Variants in KALRN observed in about 807,000 individuals in gnomAD.
KALRN encodes kalirin RhoGEF kinase.
A neutral mutation model predicts 353.7 loss-of-function variants in KALRN; 70 were observed. That is an observed-to-expected ratio of 0.20 (90% confidence interval 0.16 to 0.24). The LOEUF (loss-of-function observed/expected upper bound fraction) is 0.24, where lower values mean the gene tolerates loss of function less well. Ranked by LOEUF, KALRN falls within the 10% of genes least tolerant of loss-of-function variation. KALRN has a pLI of 1.00. For missense variants in KALRN, 2,791 were observed against 3,756.7 expected, an observed-to-expected ratio of 0.74 and a Z score of 6.72; for synonymous variants, 1,391 against 1,434.8, an observed-to-expected ratio of 0.97 and a Z score of 0.69.
intron 10 of KALRN, among the ~76,000 whole-genome samples, chr3:124,356,543 A>G (rs943036140): frequency 8.5e-5 from 13 of 152,062 alleles, no homozygotes; most frequent in African/African-American, 2.9e-4. Context: ...CATGTTAGCC[A>G]GGCTGGTCTT....
At chr3:124,294,455 G>A (rs913572882) in intron 5 of KALRN, among the ~76,000 whole-genome samples, 1 of 150,446 alleles carries the variant, frequency 6.6e-6, no homozygotes, top group African/African-American at 2.4e-5. Context: ...GATGAAGGGT[G>A]AGTGGACATT....
At chr3:124,312,297 A>ACC (rs2078350976) in intron 6 of KALRN, among the ~76,000 whole-genome samples, 1 of 152,028 alleles carries the variant, frequency 6.6e-6, no homozygotes, top group African/African-American at 2.4e-5. Flanking sequence ...AGTAGTTGGG[A>ACC]TTACAGGCAC....
At chr3:124,488,051 A>T (rs886310965) in intron 28 of KALRN, among the ~76,000 whole-genome samples, 153 bp from the exon 29 acceptor site, 2 of 152,106 alleles carry the variant, frequency 1.3e-5, no homozygotes, top group African/African-American at 4.8e-5. Context: ...GAATTCTTAG[A>T]GATAACCCCT....
intron 13 of KALRN, among the ~76,000 whole-genome samples, chr3:124,399,669 C>T (rs1332038855): frequency 1.4e-4 from 21 of 152,160 alleles, no homozygotes; most frequent in Non-Finnish European, 3.1e-4. Context: ...AACCTGTATC[C>T]GCAGTTTGAT....
chr3:124,145,686 G>A (rs144287927), intron 1 of KALRN, among the ~76,000 whole-genome samples: 85 of 152,332 alleles, frequency 5.6e-4, no homozygotes, highest in African/African-American at 1.9e-3. Context: ...GTATCCCCAG[G>A]AAGTAAATTA....
chr3:124,399,295 C>T (rs560461461), intron 13 of KALRN, among the ~76,000 whole-genome samples: 4 of 152,184 alleles, frequency 2.6e-5, no homozygotes, highest in South Asian at 2.1e-4. Context: ...TGCGCCACCA[C>T]ACCTGGCTAA....
intron 51 of KALRN, among the ~76,000 whole-genome samples, chr3:124,690,433 G>C (rs1408617511): frequency 1.3e-5 from 2 of 152,178 alleles, no homozygotes; most frequent in Non-Finnish European, 2.9e-5. Context: ...AAAAACATTA[G>C]TGTGGACCTT....
At chr3:124,210,962 T>A (rs956274121) in intron 1 of KALRN, among the ~76,000 whole-genome samples, 2 of 152,252 alleles carry the variant, frequency 1.3e-5, no homozygotes, top group African/African-American at 4.8e-5. Flanking sequence ...GTAGTCTGAA[T>A]TTGCAAAGCA....
Position 124,674,372 on chromosome 3 carries a change from G to A in KALRN, c.6951G>A (p.Leu2317=), listed in dbSNP as rs1219757279. ...CCCTTATCTCCCAGCAGAACGACCTGGGAGGCTGCAATGGGACCTCGTCCA... is the reference window on the plus strand; with the variant it reads ...CCCTTATCTCCCAGCAGAACGACCTAGGAGGCTGCAATGGGACCTCGTCCA... ...GDKFEASKND[L]GGCNGTSSMA... Residue 2317 remains leucine, a synonymous_variant, in exon 49 of 60, where the codon CTG becomes CTA. Coordinates refer to ENST00000682506, the MANE Select transcript of KALRN (RefSeq NM_001388419.1). 1.2e-6 allele frequency: 2 copies of A among 1,613,160 alleles called. No homozygotes were observed. Among genetic ancestry groups the A allele is most frequent in the Admixed American group, 3.3e-5 (2 of 59,928 alleles).
intron 1 of KALRN, among the ~76,000 whole-genome samples, chr3:124,157,433 C>T (rs1012667715): frequency 2.0e-4 from 30 of 152,178 alleles, no homozygotes; most frequent in African/African-American, 7.2e-4. Flanking sequence ...CCAATCACTG[C>T]CAGGATTTAA....
intron 3 of KALRN, among the ~76,000 whole-genome samples, chr3:124,244,895 G>A (rs563675896): frequency 1.3e-5 from 2 of 151,926 alleles, no homozygotes; most frequent in South Asian, 4.2e-4. Context: ...TATTTATAGG[G>A]TGCATATGAT....
At chr3:124,099,769 A>C (rs1483098416) in intron 1 of KALRN, among the ~76,000 whole-genome samples, 1 of 152,136 alleles carries the variant, frequency 6.6e-6, no homozygotes, top group Non-Finnish European at 1.5e-5. Flanking sequence ...TTGTGGTAAG[A>C]TGATATCTCA....
intron 38 of KALRN, 39 bp downstream of exon 38, chr3:124,650,977 T>G (rs1366833563): frequency 1.9e-6 from 3 of 1,610,082 alleles, no homozygotes; most frequent in Admixed American, 3.4e-5. Context: ...GGTGCACATG[T>G]GAGTGCGGTG....
chr3:124,081,977 G>T (rs542902399), intron 1 of KALRN, among the ~76,000 whole-genome samples: 2 of 152,180 alleles, frequency 1.3e-5, no homozygotes, highest in Non-Finnish European at 2.9e-5. Flanking sequence ...TGATAAGCAG[G>T]TTAATTTCTA....
intron 33 of KALRN, among the ~76,000 whole-genome samples, chr3:124,551,889 A>G (rs1415312155): frequency 2.0e-5 from 3 of 152,202 alleles, no homozygotes; most frequent in Non-Finnish European, 2.9e-5. Flanking sequence ...AAGAAGAATA[A>G]GTGCATGGAT....
chr3:124,039,302 C>A (rs555710405), intron 1 of KALRN, among the ~76,000 whole-genome samples: 1 of 152,216 alleles, frequency 6.6e-6, no homozygotes, highest in Non-Finnish European at 1.5e-5. Flanking sequence ...CTCACGATGA[C>A]AGCCCTTTGA....
rs1490047817 is a variant in KALRN, at chr3:124,495,994, TATATATATATATATATATACAC to T, written c.4833-315_4833-294del. On this transcript the variant is annotated intron_variant, in intron 32 of 59. Transcript: ENST00000682506. The stretch of plus-strand genomic sequence containing the variant: ...ATATATATATATATATATATATATA[TATATATATATATATATATACAC>T]ACACATATATACATACATACACCCC... Among the ~76,000 whole-genome samples, 7 of 57,470 alleles carry T rather than the reference TATATATATATATATATATACAC, an allele frequency of 1.2e-4. 1 individual carries two copies. Among genetic ancestry groups the T allele is most frequent in the Admixed American group, 1.9e-4 (1 of 5,166 alleles). 37.7% of individuals were successfully genotyped at this position (57,470 alleles called of 152,430 possible).
intron 45 of KALRN, among the ~76,000 whole-genome samples, chr3:124,663,967 G>A (rs1400293169): frequency 6.6e-6 from 1 of 152,168 alleles, no homozygotes; most frequent in African/African-American, 2.4e-5. Flanking sequence ...TGCTGTGACA[G>A]GAACTATGTG....
At chr3:124,547,704 C>T (rs2069872371) in intron 33 of KALRN, among the ~76,000 whole-genome samples, 1 of 152,162 alleles carries the variant, frequency 6.6e-6, no homozygotes, top group Non-Finnish European at 1.5e-5. Context: ...CTGATGGTTA[C>T]AATGTGGCTC....
Sources: gnomAD v4.1 joint callset for allele counts (sites outside exome capture counted in the v4.1 genomes callset) on GRCh38, gnomAD v4.1.1 for gene constraint, MANE v1.5 for transcripts, NCBI Gene and HGNC (gene_info 2026-07-23, HGNC 2026-07-21) for gene names.